The following RGS6 variants were observed in gnomAD, a reference collection of about 807,000 sequenced individuals.
The protein encoded by RGS6 is regulator of G-protein signaling 6.
RGS6 carries 30 observed loss-of-function variants against 78.5 expected under a neutral mutation model. The ratio of observed to expected loss-of-function variants is 0.38; its 90% CI spans 0.29 to 0.52. The LOEUF is 0.52. RGS6 is among the 20% of genes least tolerant of loss of function. The probability of loss-of-function intolerance (pLI) is 0.85; values close to 1 mark genes in which losing one functional copy is unlikely to be tolerated. For synonymous variants in RGS6, 206 were observed against 206.0 expected (o/e 1.00, Z 0.00); for missense variants, 495 against 609.7 (o/e 0.81, Z 1.98).
At chr14:71,892,407 G>T in the RGS6 span, among the ~76,000 whole-genome samples, 1 of 152,172 alleles carries the variant, frequency 6.6e-6, no homozygotes, top group Non-Finnish European at 1.5e-5. Flanking sequence ...AACACCTTAG[G>T]TTTTCCTTTC....
intron 3 of RGS6, among the ~76,000 whole-genome samples, chr14:72,399,162 TCCC>T (rs764700093): frequency 9.2e-6 from 1 of 109,026 alleles, no homozygotes; most frequent in African/African-American, 5.1e-5. Context: ...TGTTAAAGTC[TCCC>T]AAGTCTCTTT....
Position 72,451,818 on chromosome 14 carries a change from T to C in RGS6, c.185-2710T>C, listed in dbSNP as rs912585943. 3.9e-5 allele frequency among the ~76,000 whole-genome samples: 6 copies of C among 152,232 alleles called. No homozygotes were observed. In the South Asian group the frequency reaches 1.2e-3, roughly 32 times the overall value. On this transcript the variant is annotated intron_variant, in intron 3 of 17. Transcript: ENST00000553525. ...GCCAGGCTGGAGTGTAGTGGCGCGATCTCGGCTCACTGCAACCTCCACCTC... is the reference window on the plus strand; with the variant it reads ...GCCAGGCTGGAGTGTAGTGGCGCGACCTCGGCTCACTGCAACCTCCACCTC...
intron 2 of RGS6, among the ~76,000 whole-genome samples, chr14:72,263,146 T>C (rs1448716666): frequency 6.6e-6 from 1 of 152,210 alleles, no homozygotes; most frequent in Non-Finnish European, 1.5e-5. Flanking sequence ...GATCAAACTG[T>C]AAGGCATGTC....
chr14:72,021,354 A>G (rs796128180), intron 2 of RGS6, among the ~76,000 whole-genome samples: 7 of 151,842 alleles, frequency 4.6e-5, no homozygotes, highest in African/African-American at 1.5e-4. Context: ...CCACCAAAGC[A>G]CTGGAACACG....
Position 72,368,371 on chromosome 14 carries a change from C to A in RGS6, c.184+16177C>A, listed in dbSNP as rs184452924. On this transcript the variant is annotated intron_variant, in intron 3 of 17. Transcript: ENST00000553525. ...ATCTACCTCATGGAACCCTCATGAT[C>A]TAGTCATTCATTAATGATCCCATCT... 6.5e-4 allele frequency among the ~76,000 whole-genome samples: 99 copies of A among 152,262 alleles called. 1 individual carries two copies. The highest frequency in any genetic ancestry group is 2.3e-3 in the African/African-American group (95 of 41,566).
chr14:72,617,102 G>A, the RGS6 span, among the ~76,000 whole-genome samples: 2 of 152,334 alleles, frequency 1.3e-5, no homozygotes, highest in African/African-American at 2.4e-5. Flanking sequence ...GGCTCAGCTT[G>A]TGTAGGCAGA....
intron 3 of RGS6, among the ~76,000 whole-genome samples, chr14:72,357,947 G>T (rs1033871371): frequency 1.3e-5 from 2 of 152,172 alleles, no homozygotes; most frequent in Non-Finnish European, 2.9e-5. Context: ...TTTCCTCTTA[G>T]GTCCAGGGCC....
intron 1 of RGS6, among the ~76,000 whole-genome samples, chr14:71,961,506 A>G (rs1316194040): frequency 1.3e-5 from 2 of 152,304 alleles, no homozygotes; most frequent in African/African-American, 4.8e-5. Flanking sequence ...TTAAAGGCAC[A>G]GAGAGGAGAA....
chr14:72,388,839 A>G (rs1365002663), intron 3 of RGS6, among the ~76,000 whole-genome samples: 2 of 152,178 alleles, frequency 1.3e-5, no homozygotes, highest in African/African-American at 4.8e-5. Flanking sequence ...AGCTATTCAT[A>G]ATAGTATCTA....
intron 2 of RGS6, among the ~76,000 whole-genome samples, chr14:72,336,030 A>G (rs1336380267): frequency 6.6e-6 from 1 of 152,176 alleles, no homozygotes; most frequent in Non-Finnish European, 1.5e-5. Context: ...TCAGGTCATC[A>G]TGTTTCTGTT....
At chr14:72,103,692 G>T (rs2095572705) in intron 2 of RGS6, among the ~76,000 whole-genome samples, 1 of 152,168 alleles carries the variant, frequency 6.6e-6, no homozygotes, top group Admixed American at 6.5e-5. Flanking sequence ...GAAATGAATA[G>T]GCCTGGGCTT....
chr14:71,925,151 T>C, the RGS6 span, among the ~76,000 whole-genome samples: 2 of 152,236 alleles, frequency 1.3e-5, no homozygotes, highest in African/African-American at 4.8e-5. Context: ...TGGTTTGCAT[T>C]TCTCTGATGA....
intron 3 of RGS6, among the ~76,000 whole-genome samples, chr14:72,436,920 A>G (rs1034663871): frequency 6.6e-6 from 1 of 152,160 alleles, no homozygotes; most frequent in Non-Finnish European, 1.5e-5. Flanking sequence ...AGTTGAAGAG[A>G]TGAGGGTCCC....
intron 2 of RGS6, among the ~76,000 whole-genome samples, chr14:72,201,971 A>G (rs2041679426): frequency 6.6e-6 from 1 of 152,230 alleles, no homozygotes. Context: ...AGTAAAAACA[A>G]CATTATTCAC....
intron 2 of RGS6, among the ~76,000 whole-genome samples, chr14:71,975,041 C>G (rs1266005448): frequency 6.6e-6 from 1 of 152,184 alleles, no homozygotes; most frequent in Admixed American, 6.5e-5. Flanking sequence ...GTAGTCCCAG[C>G]TACTCAGGAG....
chr14:72,012,002 TAATTA>T (rs1357516593), intron 2 of RGS6, among the ~76,000 whole-genome samples: 1 of 152,200 alleles, frequency 6.6e-6, no homozygotes, highest in Admixed American at 6.5e-5. Context: ...AATTTTGAAA[TAATTA>T]AATATTCATG....
chr14:72,033,119 G>A (rs1436075627), intron 2 of RGS6, among the ~76,000 whole-genome samples: 1 of 152,156 alleles, frequency 6.6e-6, no homozygotes, highest in Non-Finnish European at 1.5e-5. Context: ...TTAGTCTATG[G>A]TTGGGCAAAA....
intron 2 of RGS6, among the ~76,000 whole-genome samples, chr14:72,015,713 G>T (rs113541886): frequency 4.5e-4 from 69 of 152,088 alleles, no homozygotes; most frequent in African/African-American, 1.6e-3. Context: ...TTCCATTGGT[G>T]GTTTCCCATA....
chr14:72,161,633 T>G (rs2096854859), intron 2 of RGS6, among the ~76,000 whole-genome samples: 1 of 152,188 alleles, frequency 6.6e-6, no homozygotes, highest in African/African-American at 2.4e-5. Context: ...GGTGAGGTTA[T>G]TACTGAAATA....
Sources: gnomAD v4.1 joint callset for allele counts (sites outside exome capture counted in the v4.1 genomes callset) on GRCh38, gnomAD v4.1.1 for gene constraint, MANE v1.5 for transcripts, NCBI Gene and HGNC (gene_info 2026-07-23, HGNC 2026-07-21) for gene names.